The following SOD1 variants were observed in gnomAD, a reference collection of about 807,000 sequenced individuals.
SOD1 encodes superoxide dismutase 1.
A neutral mutation model predicts 15.9 loss-of-function variants in SOD1; 8 were observed. The observed-to-expected ratio is 0.50, with a 90% CI of 0.30 to 0.91. SOD1 has a LOEUF of 0.91. SOD1 is among the 40% of genes least tolerant of loss of function. SOD1 has a pLI of 0.07. For synonymous variants in SOD1, 86 were observed against 71.2 expected (o/e 1.21, Z -1.04); for missense variants, 137 against 194.5 (o/e 0.70, Z 1.76).
intron 1 of SOD1, among the ~76,000 whole-genome samples, chr21:31,662,635 C>T (rs2123430690): frequency 6.6e-6 from 1 of 152,286 alleles, no homozygotes; most frequent in South Asian, 2.1e-4. Context: ...GAAAAGATTT[C>T]AGAAAGCAGT....
At chr21:31,668,055 G>C (rs2049612496) in intron 4 of SOD1, among the ~76,000 whole-genome samples, 1 of 151,932 alleles carries the variant, frequency 6.6e-6, no homozygotes, top group African/African-American at 2.4e-5. Flanking sequence ...TTACTTATAG[G>C]CCCGTCATTC....
At chr21:31,667,178 CAA>C in intron 3 of SOD1, 78 bp from the exon 4 acceptor site, 3 of 1,123,406 alleles carry the variant, frequency 2.7e-6, no homozygotes, top group Non-Finnish European at 4.0e-6. Flanking sequence ...TCTACTCAGT[CAA>C]GTTTTAATTT....
rs16988395 is a variant in SOD1 at position 31,659,715 on chromosome 21, C to T, written c.-55C>T. ...TTTGCGTCGTAGTCTCCTGCAGCGT[C>T]TGGGGTTTCCGTTGCAGTCCTCGGA... On this transcript the variant is annotated 5_prime_UTR_variant, in exon 1 of 5. Transcript: ENST00000270142. The T allele has an allele frequency of 4.0e-4, 631 of 1,571,582 alleles. 1 individual carries two copies. The highest frequency in any genetic ancestry group is 1.5e-3 in the East Asian group (67 of 44,670).
intron 4 of SOD1, among the ~76,000 whole-genome samples, chr21:31,667,945 T>G (rs959895810): frequency 1.3e-5 from 2 of 152,204 alleles, no homozygotes; most frequent in African/African-American, 4.8e-5. Flanking sequence ...TGGTTTTTCT[T>G]GAGCCATAGT....
At chr21:31,660,364 C>A (rs567872788) in intron 1 of SOD1, 1 of 152,380 alleles carries the variant, frequency 6.6e-6, no homozygotes, top group East Asian at 1.9e-4. Context: ...AGGGAGTCTT[C>A]GCTTTTGTAC....
chr21:31,666,424 T>C (rs1381115529), intron 2 of SOD1, 25 bp from the exon 3 acceptor site: 2 of 1,559,756 alleles, frequency 1.3e-6, no homozygotes, highest in African/African-American at 2.7e-5. Context: ...ATAATTTAGC[T>C]TTTTTTTCTT....
At chr21:31,666,371 T>C (rs1477696261) in intron 2 of SOD1, 78 bp from the exon 3 acceptor site, 2 of 1,110,840 alleles carry the variant, frequency 1.8e-6, no homozygotes, top group Non-Finnish European at 2.7e-6. Context: ...ATGGGAAGTT[T>C]TAGCAGTGTT....
At chr21:31,665,334 ATTTT>A (rs1199203640) in intron 2 of SOD1, among the ~76,000 whole-genome samples, 4 of 152,148 alleles carry the variant, frequency 2.6e-5, no homozygotes, top group African/African-American at 9.6e-5. Flanking sequence ...TAATAATCTG[ATTTT>A]TTTGTTTATA....
intron 2 of SOD1, 137 bp from the exon 3 acceptor site, chr21:31,666,312 C>T (rs1601157606): frequency 1.4e-6 from 1 of 693,594 alleles, no homozygotes; most frequent in Admixed American, 2.1e-5. Flanking sequence ...GTGGCTGTAC[C>T]AAGGTGTTGC....
At chr21:31,660,171 C>G in intron 1 of SOD1, 1 of 154,988 alleles carries the variant, frequency 6.5e-6, no homozygotes, top group South Asian at 2.0e-4. Flanking sequence ...GCCGCCGCCG[C>G]GGGTCTGTCG....
At position 31,664,680 on chromosome 21, in the gene SOD1, G is replaced by A. The variant is rs1263652493; in HGVS notation, c.169+794G>A. ...GTGGCCCAGGCTGGAGTGCAGTGGC[G>A]CGATCTCGGCTCACTGCAAGCTCCG... On this transcript the variant is annotated intron_variant, in intron 2 of 4. Transcript: ENST00000270142. Among the ~76,000 whole-genome samples, 3 of 152,116 alleles carry A rather than the reference G, an allele frequency of 2.0e-5. No individual in the cohort carries two copies. In the East Asian group the frequency reaches 5.8e-4, roughly 30 times the overall value.
At chr21:31,663,125 CTT>C (rs766108641) in intron 1 of SOD1, among the ~76,000 whole-genome samples, 8 of 114,514 alleles carry the variant, frequency 7.0e-5, no homozygotes, top group African/African-American at 6.5e-5. Flanking sequence ...GCGACTTTTT[CTT>C]TTTTTTTTTT....
chr21:31,667,024 A>G, intron 3 of SOD1: 1 of 574,192 alleles, frequency 1.7e-6, no homozygotes, highest in Non-Finnish European at 3.1e-6. Flanking sequence ...AACAGGCATA[A>G]CTCAGTAACT....
In SOD1 at chr21:31,659,724, C is replaced by G. The variant is rs763699755; in HGVS notation, c.-46C>G. On this transcript the variant is annotated 5_prime_UTR_variant, in exon 1 of 5. Coordinates refer to ENST00000270142, the MANE Select transcript of SOD1 (RefSeq NM_000454.5). ...TAGTCTCCTGCAGCGTCTGGGGTTTCCGTTGCAGTCCTCGGAACCAGGACC... is the reference window on the plus strand; with the variant it reads ...TAGTCTCCTGCAGCGTCTGGGGTTTGCGTTGCAGTCCTCGGAACCAGGACC... 1 of 1,598,200 alleles carries G rather than the reference C, an allele frequency of 6.3e-7. No individual in the cohort carries two copies. The highest frequency in any genetic ancestry group is 8.6e-7 in the Non-Finnish European group (1 of 1,165,846).
chr21:31,659,885 C>T (rs1484714611), intron 1 of SOD1, 44 bp downstream of exon 1: 2 of 1,583,946 alleles, frequency 1.3e-6, no homozygotes, highest in Non-Finnish European at 1.7e-6. Context: ...CGCTCCCACC[C>T]GCTCGTCCCC....
intron 4 of SOD1, among the ~76,000 whole-genome samples, chr21:31,668,140 G>GT (rs1379699549): frequency 2.0e-5 from 3 of 152,028 alleles, no homozygotes; most frequent in African/African-American, 7.2e-5. Context: ...AACTGCCAAA[G>GT]TAAGAGTGAC....
At chr21:31,663,922 T>C in intron 2 of SOD1, 36 bp downstream of exon 2, 4 of 1,489,792 alleles carry the variant, frequency 2.7e-6, no homozygotes, top group Non-Finnish European at 3.7e-6. Context: ...CCATACTTGT[T>C]CACCCTAGTT....
At chr21:31,664,775 C>A (rs1037912493) in intron 2 of SOD1, among the ~76,000 whole-genome samples, 7 of 152,068 alleles carry the variant, frequency 4.6e-5, no homozygotes, top group African/African-American at 1.4e-4. Context: ...CCCGCCACCC[C>A]GCCTGGCTAA....
chr21:31,666,548 G>C, intron 3 of SOD1, 30 bp downstream of exon 3: 1 of 1,494,622 alleles, frequency 6.7e-7, no homozygotes, highest in East Asian at 2.3e-5. Context: ...TTGTAATAAT[G>C]GCGATAGCTT....
Sources: allele counts gnomAD v4.1 joint callset (sites outside exome capture counted in the v4.1 genomes callset), GRCh38; gene constraint gnomAD v4.1.1; transcripts MANE v1.5; gene names NCBI Gene and HGNC (gene_info 2026-07-23, HGNC 2026-07-21).